The following TYRO3 variants were observed in gnomAD, a reference collection of about 807,000 sequenced individuals.
TYRO3 encodes the protein tyrosine-protein kinase receptor TYRO3.
In TYRO3, 38 loss-of-function variants were observed where a neutral mutation model predicts 95.2. The ratio of observed to expected loss-of-function variants is 0.40; its 90% CI spans 0.31 to 0.52. The LOEUF is 0.52. Ranked by LOEUF, TYRO3 falls within the 20% of genes least tolerant of loss-of-function variation. The probability of loss-of-function intolerance (pLI) is 0.56; values close to 1 mark genes in which losing one functional copy is unlikely to be tolerated. For missense variants in TYRO3, 812 were observed against 1,116.4 expected (o/e 0.73, Z 3.89); for synonymous variants, 367 against 432.9 (o/e 0.85, Z 1.89).
Position 41,573,341 on chromosome 15 carries a change from C to T in TYRO3, c.2019C>T (p.Asp673=). 1 of 1,614,240 alleles carries T rather than the reference C, an allele frequency of 6.2e-7. No individual in the cohort carries two copies. Among genetic ancestry groups the T allele is most frequent in the Non-Finnish European group, 8.5e-7 (1 of 1,180,040 alleles). The part of the protein sequence containing the change: ...LAEDMTVCVA[D]FGLSRKIYSG... ...AGGACATGACAGTGTGTGTGGCTGA[C>T]TTCGGACTCTCCCGGAAGATCTACA... Residue 673 remains aspartate, a synonymous_variant, in exon 17 of 19, where the codon GAC becomes GAT. Transcript: ENST00000263798.
Position 41,570,048 on chromosome 15 carries a change from G to A in TYRO3, c.1274G>A (p.Ser425Asn), listed in dbSNP as rs2055774479. Residue 425 changes from serine to asparagine, a missense_variant, in exon 10 of 19, where the codon AGC becomes AAC. Physicochemically the swap from Ser to Asn is conservative, Grantham distance 46. Transcript: ENST00000263798. Reference protein sequence around the residue: ...DRAGQQGPPHSRTSWVPVVLG... With the variant: ...DRAGQQGPPHNRTSWVPVVLG... ...ACAGGCCAGCAGGGCCCTCCTCACAGCCGCACATCCTGGGTACCTGTGGTC... is the reference window on the plus strand; with the variant it reads ...ACAGGCCAGCAGGGCCCTCCTCACAACCGCACATCCTGGGTACCTGTGGTC... 6.2e-7 allele frequency: 1 copy of A among 1,613,284 alleles called. No individual in the cohort carries two copies. Among genetic ancestry groups the A allele is most frequent in the African/African-American group, 1.3e-5 (1 of 74,908 alleles).
Position 41,578,279 on chromosome 15 carries a change from C to T in TYRO3, c.*3C>T. On this transcript the variant is annotated 3_prime_UTR_variant, in exon 19 of 19. Coordinates refer to ENST00000263798, the MANE Select transcript of TYRO3 (RefSeq NM_006293.4). The stretch of plus-strand genomic sequence containing the variant: ...TACTGCCACACAGTAGCTGTTAGCC[C>T]ACAGGCAGAGGGCATCGGGGCCATT... The T allele has an allele frequency of 6.2e-7, 1 of 1,613,176 alleles. No individual in the cohort carries two copies. Among genetic ancestry groups the T allele is most frequent in the African/African-American group, 1.3e-5 (1 of 75,044 alleles).
Position 41,570,027 on chromosome 15 carries a change from G to A in TYRO3, c.1253G>A (p.Gly418Asp), listed in dbSNP as rs952862555. The A allele has an allele frequency of 1.2e-6, 2 of 1,612,250 alleles. No individual in the cohort carries two copies. The highest frequency in any genetic ancestry group is 1.3e-5 in the African/African-American group (1 of 74,996). Residue 418 changes from glycine to aspartate, a missense_variant and splice_region_variant, in exon 10 of 19, where the codon GGC becomes GAC. By Grantham distance (94) the Gly-to-Asp change is moderately conservative. Transcript: ENST00000263798. ...ATGCCACTGCACCTCCCTCCCACAG[G>A]CCAGCAGGGCCCTCCTCACAGCCGC... ...PLVVSSHDRA[G>D]QQGPPHSRTS...
chr15:41,582,574 T>G lies in TYRO3; in HGVS notation c.*4298T>G, dbSNP rs964186726. 1 of 151,348 alleles carries G rather than the reference T, an allele frequency of 6.6e-6. No individual in the cohort carries two copies. Among genetic ancestry groups the G allele is most frequent in the African/African-American group, 2.4e-5 (1 of 41,148 alleles). The allele number at this position is 151,348 out of a possible 1,614,324, so 9.4% of individuals were successfully genotyped here. ...GTGGGTGCCTGTAATCCCAGCTACT[T>G]GGGAGGCTGAGGTAGGAGAATTGCT... On this transcript the variant is annotated 3_prime_UTR_variant, in exon 19 of 19. Coordinates refer to ENST00000263798, the MANE Select transcript of TYRO3 (RefSeq NM_006293.4).
intron 4 of TYRO3, 108 bp downstream of exon 4, chr15:41,562,826 A>T: frequency 8.5e-7 from 1 of 1,174,116 alleles, no homozygotes; most frequent in African/African-American, 1.5e-5. Flanking sequence ...CGTCCAGAGC[A>T]AGCCCCAGTG....
intron 3 of TYRO3, 92 bp from the exon 4 acceptor site, chr15:41,562,456 G>A (rs534873721): frequency 1.6e-5 from 21 of 1,310,930 alleles, no homozygotes; most frequent in African/African-American, 2.9e-5. Context: ...AACCTTCTGC[G>A]TGGAGGACTT....
Position 41,577,964 on chromosome 15 carries a change from G to A in TYRO3, c.2361G>A (p.Glu787=), listed in dbSNP as rs530854449. Residue 787 remains glutamate (E), a synonymous_variant, in exon 19 of 19, where the codon GAG becomes GAA. Coordinates refer to ENST00000263798, the MANE Select transcript of TYRO3 (RefSeq NM_006293.4). The part of the protein sequence containing the change: ...PSFTCLRMEL[E]NILGQLSVLS... ...TTACTTGTCTGCGAATGGAACTGGA[G>A]AACATCTTGGGCCAGCTGTCTGTGC... 1.2e-6 allele frequency: 2 copies of A among 1,613,836 alleles called. No individual in the cohort carries two copies. Among genetic ancestry groups the A allele is most frequent in the East Asian group, 2.2e-5 (1 of 44,878 alleles).
At chr15:41,570,930 C>G (rs551231384) in intron 12 of TYRO3, 108 bp from the exon 13 acceptor site, 2 of 1,270,520 alleles carry the variant, frequency 1.6e-6, no homozygotes, top group African/African-American at 2.9e-5. Context: ...GCCTTCTCCA[C>G]TGGCCCCAGA....
intron 8 of TYRO3, 39 bp from the exon 9 acceptor site, chr15:41,568,839 C>T (rs1318311443): frequency 4.4e-6 from 7 of 1,599,238 alleles, no homozygotes; most frequent in Middle Eastern, 2.2e-4. Flanking sequence ...GGCCTTCTCC[C>T]CAGGCTCACT....
chr15:41,576,968 G>C (rs1040259552), intron 18 of TYRO3, among the ~76,000 whole-genome samples: 4 of 151,918 alleles, frequency 2.6e-5, no homozygotes, highest in Non-Finnish European at 5.9e-5. Flanking sequence ...CCGGCTGCAC[G>C]GTGAGGAATT....
intron 6 of TYRO3, among the ~76,000 whole-genome samples, chr15:41,566,243 G>C (rs1384124399): frequency 6.9e-6 from 1 of 144,774 alleles, no homozygotes; most frequent in African/African-American, 2.6e-5. Context: ...AGCCTGAGAA[G>C]TCAAGCCTGC....
At position 41,581,864 on chromosome 15, in the gene TYRO3, G is replaced by A. The variant is rs1348171503; in HGVS notation, c.*3588G>A. Reference sequence around the variant, plus strand: ...AAAAAAAAAGAGGCCAGGCATGGTGGCTCACGCCTATAATCCCAGCGCTTT... The same window carrying A: ...AAAAAAAAAGAGGCCAGGCATGGTGACTCACGCCTATAATCCCAGCGCTTT... On this transcript the variant is annotated 3_prime_UTR_variant, in exon 19 of 19. Coordinates refer to ENST00000263798, the MANE Select transcript of TYRO3 (RefSeq NM_006293.4). The A allele has an allele frequency of 6.7e-6, 1 of 149,440 alleles. No individual in the cohort carries two copies. The highest frequency in any genetic ancestry group is 1.5e-5 in the Non-Finnish European group (1 of 67,536). 9.3% of individuals were successfully genotyped at this position (149,440 alleles called of 1,614,324 possible).
chr15:41,561,443 C>T (rs1402928140), intron 2 of TYRO3, 96 bp from the exon 3 acceptor site: 2 of 1,377,624 alleles, frequency 1.5e-6, no homozygotes, highest in Non-Finnish European at 2.0e-6. Flanking sequence ...ACCTGTGGGA[C>T]CTTCCAGAAG....
chr15:41,564,472 C>T lies in TYRO3; in HGVS notation c.667+202C>T, dbSNP rs751415750. Among the ~76,000 whole-genome samples, 16 of 152,264 alleles carry T rather than the reference C, an allele frequency of 1.1e-4. No individual in the cohort carries two copies. In the East Asian group the frequency reaches 1.2e-3, roughly 11 times the overall value. On this transcript the variant is annotated intron_variant, in intron 5 of 18. Transcript: ENST00000263798. ...GGCTGAGATGAGAATAGAATCCTGACGTCACAGCAGATTTCCCATCACGAA... is the reference window on the plus strand; with the variant it reads ...GGCTGAGATGAGAATAGAATCCTGATGTCACAGCAGATTTCCCATCACGAA...
chr15:41,569,152 G>C, intron 9 of TYRO3, 130 bp downstream of exon 9: 2 of 1,127,026 alleles, frequency 1.8e-6, no homozygotes, highest in Non-Finnish European at 2.5e-6. Flanking sequence ...AAGAAGTTGA[G>C]GCCAGGGCTG....
chr15:41,569,170 T>C, intron 9 of TYRO3, 148 bp downstream of exon 9: 1 of 957,212 alleles, frequency 1.0e-6, no homozygotes, highest in Non-Finnish European at 1.5e-6. Flanking sequence ...CTGTTTAAAC[T>C]ATCTTGGCTG....
Position 41,580,939 on chromosome 15 carries a change from C to T in TYRO3, c.*2663C>T, listed in dbSNP as rs1282907304. On this transcript the variant is annotated 3_prime_UTR_variant, in exon 19 of 19. Transcript: ENST00000263798. Reference sequence around the variant, plus strand: ...GAGACACCATACCCAGCTTGTAATCCCAGCACTTTGGGAGGCTGAGGCGGG... The same window carrying T: ...GAGACACCATACCCAGCTTGTAATCTCAGCACTTTGGGAGGCTGAGGCGGG... 2 of 152,064 alleles carry T rather than the reference C, an allele frequency of 1.3e-5. No homozygotes were observed. The highest frequency in any genetic ancestry group is 2.9e-5 in the Non-Finnish European group (2 of 68,006). The allele number at this position is 152,064 out of a possible 1,614,324, so 9.4% of individuals were successfully genotyped here.
chr15:41,575,180 G>A (rs1566904045), intron 18 of TYRO3, among the ~76,000 whole-genome samples: 2 of 152,368 alleles, frequency 1.3e-5, no homozygotes, highest in Middle Eastern at 3.4e-3. Context: ...TGGACAGTGG[G>A]TTTGAAGTGC....
intron 5 of TYRO3, 53 bp downstream of exon 5, chr15:41,564,323 G>A (rs765202263): frequency 1.9e-5 from 29 of 1,546,836 alleles, no homozygotes; most frequent in East Asian, 1.1e-4. Context: ...CATTCCCAGC[G>A]AGCTGTCCAG....
Sources: gnomAD v4.1 joint callset for allele counts (sites outside exome capture counted in the v4.1 genomes callset) on GRCh38, gnomAD v4.1.1 for gene constraint, MANE v1.5 for transcripts, NCBI Gene and HGNC (gene_info 2026-07-23, HGNC 2026-07-21) for gene names.